The following FAAH2 variants were observed in gnomAD, a reference collection of about 807,000 sequenced individuals.
The protein encoded by FAAH2 is fatty-acid amide hydrolase 2.
FAAH2 carries 60 observed loss-of-function variants against 36.9 expected under a neutral mutation model. The ratio of observed to expected loss-of-function variants is 1.63; its 90% CI spans 1.32 to 2.02. The LOEUF is 2.02. FAAH2 is among the 30% of genes most tolerant of loss of function. FAAH2 has a pLI of 0.00. For missense variants in FAAH2, 689 were observed against 397.5 expected (o/e 1.73, Z -6.23); for synonymous variants, 214 against 143.8 (o/e 1.49, Z -3.49).
the FAAH2 span, among the ~76,000 whole-genome samples, chrX:57,159,217 G>C: frequency 8.9e-6 from 1 of 111,756 alleles, no homozygotes; most frequent in African/African-American, 3.3e-5. Flanking sequence ...TTTGGTACCA[G>C]TACCATGCTG....
chrX:57,393,415 T>C (rs1299830045), intron 7 of FAAH2: 1 of 773,164 alleles, frequency 1.3e-6, no homozygotes, highest in African/African-American at 2.1e-5. Flanking sequence ...GAAACTTTTC[T>C]ATTCCAATGT....
chrX:57,433,262 AAG>A (rs2056341796), intron 8 of FAAH2, among the ~76,000 whole-genome samples: 3 of 111,411 alleles, frequency 2.7e-5, no homozygotes, highest in East Asian at 5.6e-4. Context: ...TGGAAAGAAA[AAG>A]AGGGGGGAAA....
chrX:57,218,712 A>C, the FAAH2 span, among the ~76,000 whole-genome samples: 39 of 111,771 alleles, frequency 3.5e-4, no homozygotes, highest in Non-Finnish European at 6.0e-4. Context: ...TGCTGGCTTC[A>C]GAGAATGAAT....
At chrX:57,477,855 A>C (rs917096323) in intron 10 of FAAH2, among the ~76,000 whole-genome samples, 1 of 111,857 alleles carries the variant, frequency 8.9e-6, no homozygotes, top group Non-Finnish European at 1.9e-5. Context: ...TCCATGGTGT[A>C]TGTGTGCCAC....
intron 7 of FAAH2, among the ~76,000 whole-genome samples, chrX:57,424,843 C>T (rs887916197): frequency 1.8e-5 from 2 of 111,622 alleles, no homozygotes; most frequent in Non-Finnish European, 3.8e-5. Flanking sequence ...TTATGACATT[C>T]CCAAACAAGC....
chrX:57,204,889 G>A, the FAAH2 span, among the ~76,000 whole-genome samples: 1 of 112,394 alleles, frequency 8.9e-6, no homozygotes, highest in African/African-American at 3.2e-5. Context: ...TGGGATGCTA[G>A]TAACGTGTTT....
chrX:57,296,910 A>G (rs1396856776), intron 2 of FAAH2, among the ~76,000 whole-genome samples: 1 of 110,500 alleles, frequency 9.0e-6, no homozygotes, highest in African/African-American at 3.3e-5. Flanking sequence ...GAGAAAAAGG[A>G]ATAAAAAGAA....
intron 7 of FAAH2, among the ~76,000 whole-genome samples, chrX:57,390,042 T>G (rs1447570963): frequency 9.0e-6 from 1 of 111,347 alleles, no homozygotes; most frequent in Non-Finnish European, 1.9e-5. Context: ...ATTAAGTTAT[T>G]TGTTTCTGAT....
At chrX:57,188,893 G>A in the FAAH2 span, among the ~76,000 whole-genome samples, 2 of 110,901 alleles carry the variant, frequency 1.8e-5, no homozygotes, top group African/African-American at 6.6e-5. Flanking sequence ...GAATATCTTA[G>A]TGGTGTTCTC....
At chrX:57,158,931 T>A in the FAAH2 span, among the ~76,000 whole-genome samples, 1 of 112,489 alleles carries the variant, frequency 8.9e-6, no homozygotes. Context: ...TGCCATGTCC[T>A]GAATGGTATT....
Position 57,369,106 on chromosome X carries a change from A to G in FAAH2, c.743-9545A>G, listed in dbSNP as rs999250016. ...AAATAAGACTGAGAGCTTTAGCAGT[A>G]TACTAGATCCAGCAGAAGAAAGAAT... On this transcript the variant is annotated intron_variant, in intron 5 of 10. Coordinates refer to ENST00000374900, the MANE Select transcript of FAAH2 (RefSeq NM_174912.4). Among the ~76,000 whole-genome samples, 4 of 107,640 alleles carry G rather than the reference A, an allele frequency of 3.7e-5. No individual in the cohort carries two copies. In the Admixed American group the frequency reaches 4.2e-4, roughly 11 times the overall value. The allele number at this position is 107,640 out of a possible 115,157, so 93.5% of individuals were successfully genotyped here. A position where few individuals can be genotyped will look rare whatever the true frequency, so the allele number is the denominator to read the frequency against.
chrX:57,469,767 A>C (rs1302634566), intron 10 of FAAH2, among the ~76,000 whole-genome samples: 3 of 111,906 alleles, frequency 2.7e-5, no homozygotes, highest in African/African-American at 6.5e-5. Context: ...CATCCACAGA[A>C]GTCTTCACCC....
chrX:57,463,262 C>T (rs188791195), intron 10 of FAAH2, among the ~76,000 whole-genome samples: 5 of 111,067 alleles, frequency 4.5e-5, no homozygotes, highest in African/African-American at 1.6e-4. Context: ...CAATTCTATT[C>T]CCATCAAGGT....
intron 7 of FAAH2, chrX:57,394,492 A>G (rs1001837267): frequency 4.3e-5 from 52 of 1,204,107 alleles, no homozygotes; most frequent in Non-Finnish European, 5.4e-5. Flanking sequence ...TATCAATGTC[A>G]CTTGGAACAG....
intron 3 of FAAH2, among the ~76,000 whole-genome samples, chrX:57,327,489 G>C (rs1015757669): frequency 9.1e-6 from 1 of 109,461 alleles, no homozygotes; most frequent in African/African-American, 3.3e-5. Context: ...ATCAGACATA[G>C]ATTTGGTGTT....
At chrX:57,170,705 G>C in the FAAH2 span, among the ~76,000 whole-genome samples, 2 of 108,065 alleles carry the variant, frequency 1.9e-5, no homozygotes, top group African/African-American at 6.8e-5. Flanking sequence ...TTATGTGTGT[G>C]TGTGTGTGTG....
At chrX:57,195,117 G>T in the FAAH2 span, among the ~76,000 whole-genome samples, 2 of 111,178 alleles carry the variant, frequency 1.8e-5, no homozygotes, top group Non-Finnish European at 3.8e-5. Flanking sequence ...TTCTCTCTTG[G>T]TAGATACCCA....
At chrX:57,154,414 C>T in the FAAH2 span, among the ~76,000 whole-genome samples, 3 of 107,261 alleles carry the variant, frequency 2.8e-5, no homozygotes, top group Non-Finnish European at 3.8e-5. Context: ...CAGGCACCCA[C>T]GACCATGCCT....
At chrX:57,446,794 A>T in intron 8 of FAAH2, 134 bp from the exon 9 acceptor site, 1 of 423,271 alleles carries the variant, frequency 2.4e-6, no homozygotes, top group East Asian at 3.9e-5. Flanking sequence ...AATAAATTTT[A>T]TTTATGTATT....
Sources: gnomAD v4.1 joint callset for allele counts (sites outside exome capture counted in the v4.1 genomes callset) on GRCh38, gnomAD v4.1.1 for gene constraint, MANE v1.5 for transcripts, NCBI Gene and HGNC (gene_info 2026-07-23, HGNC 2026-07-21) for gene names.